The following ZNF627 variants were observed in gnomAD, a reference collection of about 807,000 sequenced individuals.
ZNF627 encodes zinc finger protein 627.
A neutral mutation model predicts 10.6 loss-of-function variants in ZNF627; 12 were observed. That is an observed-to-expected ratio of 1.13 (90% confidence interval 0.73 to 1.84). The LOEUF is 1.84. ZNF627 is among the 40% of genes most tolerant of loss of function. ZNF627 has a pLI of 0.00. For missense variants in ZNF627, 504 were observed against 568.4 expected (o/e 0.89, Z 1.15); for synonymous variants, 176 against 187.1 (o/e 0.94, Z 0.48).
In ZNF627 at chr19:11,597,816, C is replaced by A. The variant is rs190988384; in HGVS notation, c.3+186C>A. 1.9e-4 allele frequency among the ~76,000 whole-genome samples: 29 copies of A among 152,328 alleles called. No homozygotes were observed. In the East Asian group the frequency reaches 5.2e-3, roughly 27 times the overall value. On this transcript the variant is annotated intron_variant, in intron 1 of 3. Transcript: ENST00000361113. ...CCGGTCGTCCTGTCCCGTCCCTGCG[C>A]GACGCCTGCGGCCCCGCAGCCCCGC...
rs990231397 is a variant in ZNF627 at position 11,597,592 on chromosome 19, C to T, written c.-36C>T. ...CGTGACCTGTACAGGTCGCGGGAGT[C>T]GTAGGGAGGACGCCGGGACACCTGG... On this transcript the variant is annotated 5_prime_UTR_variant, in exon 1 of 4. Transcript: ENST00000361113. 2 of 1,325,610 alleles carry T rather than the reference C, an allele frequency of 1.5e-6. No homozygotes were observed. The highest frequency in any genetic ancestry group is 1.9e-6 in the Non-Finnish European group (2 of 1,029,658). 82.1% of individuals were successfully genotyped at this position (1,325,610 alleles called of 1,614,324 possible). A position where few individuals can be genotyped will look rare whatever the true frequency, so the allele number is the denominator to read the frequency against.
chr19:11,612,314 G>C (rs1189788430), intron 1 of ZNF627, among the ~76,000 whole-genome samples: 6 of 150,912 alleles, frequency 4.0e-5, no homozygotes, highest in Non-Finnish European at 8.8e-5. Flanking sequence ...TAGAGATGGG[G>C]TTTCACTGTG....
chr19:11,603,476 G>A (rs897310800), intron 1 of ZNF627, among the ~76,000 whole-genome samples: 5 of 151,260 alleles, frequency 3.3e-5, no homozygotes, highest in South Asian at 2.1e-4. Flanking sequence ...TTGTGGAGGC[G>A]GGGTTTTGCC....
At chr19:11,609,471 TTATATATATATATATATATATATATA>T (rs1168205815) in intron 1 of ZNF627, among the ~76,000 whole-genome samples, 6,163 of 53,950 alleles carry the variant, frequency 0.11, 645 homozygotes, top group African/African-American at 0.24. Context: ...TTAAAAAATT[TTATATATATATATATATATATATATA>T]TATATATATA....
chr19:11,606,327 A>G (rs1343470372), intron 1 of ZNF627, among the ~76,000 whole-genome samples: 2 of 150,092 alleles, frequency 1.3e-5, no homozygotes, highest in Admixed American at 1.3e-4. Context: ...ATAGAGCCAG[A>G]CTCTGTCTCA....
intron 1 of ZNF627, among the ~76,000 whole-genome samples, chr19:11,612,221 C>T (rs1190123648): frequency 3.4e-5 from 5 of 145,866 alleles, no homozygotes; most frequent in African/African-American, 7.6e-5. Flanking sequence ...CCCGGGTTCA[C>T]GCCATTCTCT....
At chr19:11,610,199 A>G (rs2145132950) in intron 1 of ZNF627, among the ~76,000 whole-genome samples, 1 of 152,118 alleles carries the variant, frequency 6.6e-6, no homozygotes, top group East Asian at 1.9e-4. Flanking sequence ...GAGCCCAGAA[A>G]AGGTCTTTTC....
chr19:11,615,859 A>AC (rs1973858014), intron 3 of ZNF627, among the ~76,000 whole-genome samples: 20 of 149,176 alleles, frequency 1.3e-4, no homozygotes, highest in Middle Eastern at 3.6e-3. Context: ...CTGGGATTAC[A>AC]GGCGCCTGCC....
intron 1 of ZNF627, among the ~76,000 whole-genome samples, chr19:11,612,576 G>A (rs1302473536): frequency 1.3e-5 from 2 of 151,378 alleles, no homozygotes; most frequent in East Asian, 3.9e-4. Flanking sequence ...AGCCCACCAC[G>A]CCCGGCTAAT....
rs1005737723 is a variant in ZNF627 at position 11,597,650 on chromosome 19, C to T, written c.3+20C>T. On this transcript the variant is annotated intron_variant, in intron 1 of 3. Transcript: ENST00000361113. ...GAAATGGTGCGTGTGAGGGGTCAGG[C>T]GTCCCCAGACCTGGGGGAGGGGCTG... 3 of 1,335,620 alleles carry T rather than the reference C, an allele frequency of 2.2e-6. No individual in the cohort carries two copies. The highest frequency in any genetic ancestry group is 3.0e-5 in the Admixed American group (1 of 33,092). The allele number at this position is 1,335,620 out of a possible 1,614,324, so 82.7% of individuals were successfully genotyped here.
intron 3 of ZNF627, among the ~76,000 whole-genome samples, chr19:11,615,123 T>A (rs575592651): frequency 6.6e-5 from 10 of 151,648 alleles, no homozygotes; most frequent in African/African-American, 2.4e-4. Context: ...ATTTTTTGTA[T>A]TTTTAGTAGA....
intron 1 of ZNF627, among the ~76,000 whole-genome samples, chr19:11,605,080 CTTTTTTTTTT>C (rs1006143184): frequency 9.4e-6 from 1 of 105,912 alleles, no homozygotes; most frequent in Non-Finnish European, 1.9e-5. Flanking sequence ...TTCTTTCTTT[CTTTTTTTTTT>C]TTTTTTTTTT....
intron 1 of ZNF627, among the ~76,000 whole-genome samples, chr19:11,600,830 T>C (rs1269119234): frequency 6.6e-6 from 1 of 152,212 alleles, no homozygotes; most frequent in African/African-American, 2.4e-5. Context: ...AGTACATGAT[T>C]TGTTACCATA....
chr19:11,606,646 TTTCTC>T (rs1414710099), intron 1 of ZNF627, among the ~76,000 whole-genome samples: 3 of 152,218 alleles, frequency 2.0e-5, no homozygotes, highest in African/African-American at 7.2e-5. Context: ...AGTTCCCACA[TTTCTC>T]TTCTGCGCTG....
At position 11,618,086 on chromosome 19, in the gene ZNF627, A is replaced by G. The variant is rs998916075; in HGVS notation, c.*197A>G. 4.1e-6 allele frequency: 2 copies of G among 493,620 alleles called. No homozygotes were observed. Among genetic ancestry groups the G allele is most frequent in the Non-Finnish European group, 3.5e-6 (1 of 287,370 alleles). The allele number at this position is 493,620 out of a possible 1,614,324, so 30.6% of individuals were successfully genotyped here. A position where few individuals can be genotyped will look rare whatever the true frequency, so the allele number is the denominator to read the frequency against. On this transcript the variant is annotated 3_prime_UTR_variant, in exon 4 of 4. Coordinates refer to ENST00000361113, the MANE Select transcript of ZNF627 (RefSeq NM_145295.4). Reference sequence around the variant, plus strand: ...TGGAGTTGGATCTCTGGATTGTGTTATGTCAGTGTTGGTAGGTTAGGAACT... The same window carrying G: ...TGGAGTTGGATCTCTGGATTGTGTTGTGTCAGTGTTGGTAGGTTAGGAACT...
At chr19:11,609,708 C>T (rs1251935355) in intron 1 of ZNF627, among the ~76,000 whole-genome samples, 5 of 151,666 alleles carry the variant, frequency 3.3e-5, no homozygotes, top group South Asian at 2.1e-4. Context: ...TTAGTAGAGA[C>T]GGGGTTTCAC....
intron 1 of ZNF627, among the ~76,000 whole-genome samples, chr19:11,611,296 C>G (rs1039496533): frequency 6.6e-6 from 1 of 151,964 alleles, no homozygotes; most frequent in African/African-American, 2.4e-5. Flanking sequence ...TCCCTGGTTG[C>G]CTTTTCCCAG....
chr19:11,610,156 A>G (rs1301325064), intron 1 of ZNF627, among the ~76,000 whole-genome samples: 3 of 150,984 alleles, frequency 2.0e-5, no homozygotes, highest in South Asian at 2.1e-4. Flanking sequence ...GGTTCAAGCA[A>G]TTCTTTTGAA....
intron 1 of ZNF627, among the ~76,000 whole-genome samples, chr19:11,612,777 TC>T (rs890937982): frequency 1.3e-5 from 2 of 151,872 alleles, no homozygotes; most frequent in Non-Finnish European, 2.9e-5. Context: ...TTTTTTTTTT[TC>T]AACTTTTATT....
Sources: gnomAD v4.1 joint callset for allele counts (sites outside exome capture counted in the v4.1 genomes callset) on GRCh38, gnomAD v4.1.1 for gene constraint, MANE v1.5 for transcripts, NCBI Gene and HGNC (gene_info 2026-07-23, HGNC 2026-07-21) for gene names.